EXOC4: variants seen among roughly 807,000 people sequenced by gnomAD.
EXOC4 encodes exocyst complex component 4, also known as SEC8-like 1.
A neutral mutation model predicts 107.2 loss-of-function variants in EXOC4; 71 were observed. That is an observed-to-expected ratio of 0.66 (90% CI 0.55 to 0.81). The LOEUF (loss-of-function observed/expected upper bound fraction) is 0.81. Ranked by LOEUF, EXOC4 falls within the 30% of genes least tolerant of loss-of-function variation. The pLI is 0.00. For missense variants in EXOC4, 1,108 were observed against 1,189.6 expected (o/e 0.93, Z 1.01); for synonymous variants, 456 against 441.2 (o/e 1.03, Z -0.42).
intron 9 of EXOC4, among the ~76,000 whole-genome samples, chr7:133,525,093 A>G (rs181143836): frequency 8.1e-4 from 124 of 152,264 alleles, no homozygotes; most frequent in Middle Eastern, 3.4e-3. Flanking sequence ...ATTGTCTACC[A>G]TACTGTAAGA....
intron 9 of EXOC4, among the ~76,000 whole-genome samples, chr7:133,487,625 C>T (rs1482629150): frequency 1.3e-5 from 2 of 152,196 alleles, no homozygotes; most frequent in East Asian, 1.9e-4. Context: ...AGGAGAATTG[C>T]TTGAACCTAG....
intron 9 of EXOC4, among the ~76,000 whole-genome samples, chr7:133,623,384 A>C (rs1345753072): frequency 6.6e-6 from 1 of 152,194 alleles, no homozygotes; most frequent in Non-Finnish European, 1.5e-5. Context: ...TTTATGTAAA[A>C]ACATAATTAC....
At chr7:133,908,187 G>A (rs1400524975) in intron 12 of EXOC4, among the ~76,000 whole-genome samples, 2 of 152,174 alleles carry the variant, frequency 1.3e-5, no homozygotes, top group African/African-American at 4.8e-5. Flanking sequence ...AAAGTAACAA[G>A]GACCTAGACT....
intron 11 of EXOC4, among the ~76,000 whole-genome samples, chr7:133,851,490 C>T (rs545946015): frequency 1.3e-5 from 2 of 152,262 alleles, no homozygotes; most frequent in East Asian, 3.9e-4. Flanking sequence ...GCCAGGGTGG[C>T]ATGTTTTGAT....
At chr7:133,865,232 G>A (rs1187553391) in intron 11 of EXOC4, among the ~76,000 whole-genome samples, 1 of 151,910 alleles carries the variant, frequency 6.6e-6, no homozygotes, top group Non-Finnish European at 1.5e-5. Context: ...AAACCACTGT[G>A]TATCAGTAGA....
rs1563028461 is a variant in EXOC4, at chr7:133,855,097, A to ATATAAATATATATATAAATATG, written c.1734+37557_1734+37558insAATATATATATAAATATGTATA. Among the ~76,000 whole-genome samples, 22 of 96,192 alleles carry ATATAAATATATATATAAATATG rather than the reference A, an allele frequency of 2.3e-4. No homozygotes were observed. The South Asian group carries it at 4.2e-3, about 18-fold the overall frequency. The allele number at this position is 96,192 out of a possible 152,430, so 63.1% of individuals were successfully genotyped here. A position where few individuals can be genotyped will look rare whatever the true frequency, so the allele number is the denominator to read the frequency against. ...AATATATCTAAATATATATAAATAT[A>ATATAAATATATATATAAATATG]TATATAAATATATATAAATATATAT... is the stretch of plus-strand genomic sequence containing the variant. On this transcript the variant is annotated intron_variant, in intron 11 of 17. Transcript: ENST00000253861.
intron 10 of EXOC4, among the ~76,000 whole-genome samples, chr7:133,646,185 G>T (rs1232907331): frequency 8.5e-5 from 13 of 152,126 alleles, no homozygotes; most frequent in Admixed American, 4.6e-4. Context: ...CATCACAAAG[G>T]CTGTCAAAAA....
intron 10 of EXOC4, among the ~76,000 whole-genome samples, chr7:133,789,743 G>T (rs1450864913): frequency 6.6e-6 from 1 of 152,070 alleles, no homozygotes; most frequent in Non-Finnish European, 1.5e-5. Context: ...TCAATTGCAG[G>T]GTATGATGGG....
At chr7:133,945,170 A>C (rs1800520543) in intron 14 of EXOC4, among the ~76,000 whole-genome samples, 1 of 152,206 alleles carries the variant, frequency 6.6e-6, no homozygotes, top group Admixed American at 6.5e-5. Flanking sequence ...GCTACACCCC[A>C]GACCAATCAA....
intron 7 of EXOC4, among the ~76,000 whole-genome samples, chr7:133,380,125 A>G (rs1387232487): frequency 6.6e-6 from 1 of 151,826 alleles, no homozygotes; most frequent in Non-Finnish European, 1.5e-5. Context: ...GCATTAGGAG[A>G]TATACCTAAT....
Position 133,895,714 on chromosome 7 carries a change from A to T in EXOC4, c.1850A>T (p.Asp617Val), listed in dbSNP as rs1257671011. 1 of 1,614,126 alleles carries T rather than the reference A, an allele frequency of 6.2e-7. No homozygotes were observed. Reference protein sequence around the residue: ...MVCVKLQEYKDTCTAAYRGIV... With the variant: ...MVCVKLQEYKVTCTAAYRGIV... ...TGCGTGAAGCTCCAGGAGTACAAGGACACCTGCACTGCAGCTTACAGGTAG... is the reference window on the plus strand; with the variant it reads ...TGCGTGAAGCTCCAGGAGTACAAGGTCACCTGCACTGCAGCTTACAGGTAG... Residue 617 changes from aspartate to valine, a missense_variant, in exon 12 of 18, where the codon GAC (aspartate) becomes GTC (valine). By Grantham distance (152) the Asp-to-Val change is radical. Coordinates refer to ENST00000253861, the MANE Select transcript of EXOC4 (RefSeq NM_021807.4).
chr7:133,629,261 G>A (rs1355568520), intron 9 of EXOC4, among the ~76,000 whole-genome samples: 1 of 151,924 alleles, frequency 6.6e-6, no homozygotes, highest in African/African-American at 2.4e-5. Flanking sequence ...ATAATCATTG[G>A]GGTCTTAGAT....
chr7:133,481,626 A>G (rs1284203304), intron 9 of EXOC4, among the ~76,000 whole-genome samples: 1 of 152,210 alleles, frequency 6.6e-6, no homozygotes, highest in Admixed American at 6.5e-5. Flanking sequence ...TATCACAGTA[A>G]TAGTTCTACA....
Position 133,681,334 on chromosome 7 carries a change from T to G in EXOC4, c.1514+51193T>G, listed in dbSNP as rs78026032. On this transcript the variant is annotated intron_variant, in intron 10 of 17. Coordinates refer to ENST00000253861, the MANE Select transcript of EXOC4 (RefSeq NM_021807.4). ...GTAAATAAAGCAAAGTAAAGGGCATTTCAGCACCAGATATCTTTTTGAATG... is the reference window on the plus strand; with the variant it reads ...GTAAATAAAGCAAAGTAAAGGGCATGTCAGCACCAGATATCTTTTTGAATG... Among the ~76,000 whole-genome samples the G allele has an allele frequency of 6.5e-3, 992 of 152,152 alleles. 12 individuals carry two copies. The highest frequency in any genetic ancestry group is 0.023 in the African/African-American group (934 of 41,506).
At chr7:133,462,618 G>T (rs1308287039) in intron 7 of EXOC4, among the ~76,000 whole-genome samples, 1 of 152,070 alleles carries the variant, frequency 6.6e-6, no homozygotes, top group Non-Finnish European at 1.5e-5. Context: ...AGTTTGCTAA[G>T]ATCCATTAAA....
chr7:133,403,984 G>A (rs1797151460), intron 7 of EXOC4, among the ~76,000 whole-genome samples: 1 of 152,054 alleles, frequency 6.6e-6, no homozygotes, highest in South Asian at 2.1e-4. Context: ...CAGGGCACTG[G>A]TCTCTCTCCC....
At chr7:133,942,696 C>T (rs968776817) in intron 14 of EXOC4, among the ~76,000 whole-genome samples, 1 of 152,038 alleles carries the variant, frequency 6.6e-6, no homozygotes, top group Non-Finnish European at 1.5e-5. Flanking sequence ...CTAATTGGAC[C>T]GTTCATGCCG....
chr7:133,398,094 A>G (rs1168632463), intron 7 of EXOC4, among the ~76,000 whole-genome samples: 2 of 152,188 alleles, frequency 1.3e-5, no homozygotes, highest in Admixed American at 1.3e-4. Flanking sequence ...CGTCTTATTC[A>G]TGTATTAGGC....
At chr7:133,839,209 C>T (rs865895081) in intron 11 of EXOC4, among the ~76,000 whole-genome samples, 3 of 152,260 alleles carry the variant, frequency 2.0e-5, no homozygotes, top group Middle Eastern at 3.4e-3. Context: ...GGCAAACAGT[C>T]GTTTATACTT....
Sources: gnomAD v4.1 joint callset for allele counts (sites outside exome capture counted in the v4.1 genomes callset) on GRCh38, gnomAD v4.1.1 for gene constraint, MANE v1.5 for transcripts, NCBI Gene and HGNC (gene_info 2026-07-23, HGNC 2026-07-21) for gene names.